The following KIF6 variants were observed in gnomAD, a reference collection of about 807,000 sequenced individuals.
KIF6 encodes kinesin family member 6.
A neutral mutation model predicts 112.7 loss-of-function variants in KIF6; 106 were observed. The ratio of observed to expected loss-of-function variants is 0.94; its 90% CI spans 0.80 to 1.11. The LOEUF (loss-of-function observed/expected upper bound fraction) is 1.11, where lower values mean the gene tolerates loss of function less well. Ranked by LOEUF, KIF6 falls within the 50% of genes least tolerant of loss-of-function variation. The pLI is 0.00. For synonymous variants in KIF6, 339 were observed against 339.9 expected (o/e 1.00, Z 0.03); for missense variants, 929 against 964.0 (o/e 0.96, Z 0.48).
chr6:39,437,174 CTTG>C (rs1304668069), intron 13 of KIF6, among the ~76,000 whole-genome samples: 1 of 151,824 alleles, frequency 6.6e-6, no homozygotes, highest in African/African-American at 2.4e-5. Flanking sequence ...CAGCTTGGTC[CTTG>C]TTGATGTAAG....
At chr6:39,402,368 T>C (rs536251398) in intron 15 of KIF6, among the ~76,000 whole-genome samples, 19 of 152,278 alleles carry the variant, frequency 1.2e-4, no homozygotes, top group Admixed American at 5.2e-4. Context: ...ACTCACTCCG[T>C]GCTGTGCCCG....
At chr6:39,370,828 G>C (rs1455246444) in intron 16 of KIF6, among the ~76,000 whole-genome samples, 1 of 152,062 alleles carries the variant, frequency 6.6e-6, no homozygotes, top group East Asian at 1.9e-4. Context: ...GGTGCTGGGG[G>C]TGGGGGGCAA....
chr6:39,716,678 T>C (rs1490449914), intron 2 of KIF6, among the ~76,000 whole-genome samples: 1 of 152,202 alleles, frequency 6.6e-6, no homozygotes, highest in African/African-American at 2.4e-5. Flanking sequence ...TTAGAGCTCA[T>C]CAATAATATG....
At chr6:39,355,502 C>T (rs896212041) in intron 19 of KIF6, among the ~76,000 whole-genome samples, 15 of 137,286 alleles carry the variant, frequency 1.1e-4, no homozygotes, top group East Asian at 2.2e-4. Flanking sequence ...CTCGCTCTGT[C>T]GCCCAGGCTG....
intron 13 of KIF6, among the ~76,000 whole-genome samples, chr6:39,436,361 A>G (rs1329090535): frequency 6.6e-6 from 1 of 151,752 alleles, no homozygotes; most frequent in Non-Finnish European, 1.5e-5. Flanking sequence ...GAAGCTTTTT[A>G]GTTTAATTAG....
At chr6:39,435,055 A>G (rs936468796) in intron 13 of KIF6, among the ~76,000 whole-genome samples, 6 of 152,204 alleles carry the variant, frequency 3.9e-5, no homozygotes, top group African/African-American at 1.4e-4. Context: ...TTACATAAAT[A>G]AGTGATTATA....
intron 13 of KIF6, among the ~76,000 whole-genome samples, chr6:39,437,099 T>G (rs763414129): frequency 7.2e-5 from 11 of 152,188 alleles, no homozygotes; most frequent in Non-Finnish European, 1.2e-4. Flanking sequence ...GTTACATATA[T>G]TTCTAGGTAT....
chr6:39,337,143 C>CT (rs1762981961), intron 22 of KIF6, among the ~76,000 whole-genome samples: 2 of 123,366 alleles, frequency 1.6e-5, no homozygotes, highest in African/African-American at 6.5e-5. Context: ...TTCCTTCCTT[C>CT]CTTTCTCTTT....
intron 16 of KIF6, among the ~76,000 whole-genome samples, chr6:39,385,024 G>C (rs566245520): frequency 6.6e-6 from 1 of 152,174 alleles, no homozygotes; most frequent in Non-Finnish European, 1.5e-5. Context: ...GCGTTAAAGC[G>C]GGTTGATCAT....
intron 6 of KIF6, among the ~76,000 whole-genome samples, chr6:39,598,570 CAT>C (rs1029287479): frequency 1.5e-5 from 2 of 137,900 alleles, no homozygotes; most frequent in Admixed American, 7.6e-5. Context: ...GGCAGGTATA[CAT>C]ATATATGTGT....
chr6:39,660,170 T>TA (rs574087306), intron 3 of KIF6, among the ~76,000 whole-genome samples: 2 of 152,240 alleles, frequency 1.3e-5, no homozygotes, highest in Non-Finnish European at 2.9e-5. Flanking sequence ...AAATTTCCAA[T>TA]AAAAAATGTG....
intron 16 of KIF6, among the ~76,000 whole-genome samples, chr6:39,381,160 A>T (rs1286499236): frequency 6.6e-6 from 1 of 152,332 alleles, no homozygotes; most frequent in Middle Eastern, 3.4e-3. Context: ...CTACTTACAC[A>T]TCCAGAGACA....
At chr6:39,504,750 T>C (rs1290333296) in intron 13 of KIF6, among the ~76,000 whole-genome samples, 1 of 152,072 alleles carries the variant, frequency 6.6e-6, no homozygotes, top group Non-Finnish European at 1.5e-5. Flanking sequence ...CTATTCACAA[T>C]TGCCACAAAA....
intron 13 of KIF6, among the ~76,000 whole-genome samples, chr6:39,508,854 A>G (rs1355280271): frequency 6.6e-6 from 1 of 152,226 alleles, no homozygotes; most frequent in Non-Finnish European, 1.5e-5. Flanking sequence ...CCTGCCTGCC[A>G]GCACTGAAGA....
chr6:39,478,097 G>A (rs1470248802), intron 13 of KIF6, among the ~76,000 whole-genome samples: 1 of 152,078 alleles, frequency 6.6e-6, no homozygotes, highest in Non-Finnish European at 1.5e-5. Flanking sequence ...TTGGTTACAT[G>A]AGTAAGTTCT....
intron 3 of KIF6, among the ~76,000 whole-genome samples, chr6:39,668,862 GAAAAATGAAATCT>G (rs1470766014): frequency 6.6e-6 from 1 of 151,678 alleles, no homozygotes; most frequent in Non-Finnish European, 1.5e-5. Context: ...TTTCAGTAAT[GAAAAATGAAATCT>G]AAAAATGAAA....
chr6:39,410,515 G>A (rs1769404762), intron 15 of KIF6, among the ~76,000 whole-genome samples: 1 of 152,156 alleles, frequency 6.6e-6, no homozygotes. Context: ...ATTTAGGAAG[G>A]TATTAAACAG....
intron 18 of KIF6, 45 bp from the exon 19 acceptor site, chr6:39,357,419 T>C: frequency 8.8e-7 from 1 of 1,134,504 alleles, no homozygotes; most frequent in African/African-American, 1.6e-5. Context: ...TTGAATCTAA[T>C]GACATAGGAA....
chr6:39,622,548 T>C (rs778224050), intron 5 of KIF6, among the ~76,000 whole-genome samples: 1 of 152,202 alleles, frequency 6.6e-6, no homozygotes, highest in Non-Finnish European at 1.5e-5. Flanking sequence ...TTCCTCTCCA[T>C]CAATGATTGT....
Sources: gnomAD v4.1 joint callset for allele counts (sites outside exome capture counted in the v4.1 genomes callset) on GRCh38, gnomAD v4.1.1 for gene constraint, MANE v1.5 for transcripts, NCBI Gene and HGNC (gene_info 2026-07-23, HGNC 2026-07-21) for gene names.